PHACTR4: variants seen among roughly 807,000 people sequenced by gnomAD.
PHACTR4 encodes the protein protein phosphatase 1, regulatory subunit 124.
In PHACTR4, 51 loss-of-function variants were observed where a neutral mutation model predicts 72.7. The ratio of observed to expected loss-of-function variants is 0.70; its 90% confidence interval spans 0.56 to 0.89. The LOEUF is 0.89. Among genes scored for constraint, PHACTR4 ranks in the 40% least tolerant of loss-of-function variants. The probability of loss-of-function intolerance (pLI) is 0.00; values close to 1 mark genes in which losing one functional copy is unlikely to be tolerated. For synonymous variants in PHACTR4, 255 were observed against 302.5 expected, an observed-to-expected ratio of 0.84 and a Z score of 1.63; for missense variants, 731 against 861.8, an observed-to-expected ratio of 0.85 and a Z score of 1.90.
chr1:28,466,333 C>A (rs1659164532), intron 5 of PHACTR4, 49 bp from the exon 6 acceptor site: 2 of 1,540,886 alleles, frequency 1.3e-6, no homozygotes, highest in Non-Finnish European at 1.8e-6. Flanking sequence ...TTTTCAGTTT[C>A]TCTTGTTACT....
At chr1:28,431,214 T>TATAA (rs1325108256) in intron 2 of PHACTR4, among the ~76,000 whole-genome samples, 4 of 125,502 alleles carry the variant, frequency 3.2e-5, no homozygotes, top group Non-Finnish European at 6.8e-5. Flanking sequence ...TATATATATA[T>TATAA]AAACATGGGG....
intron 2 of PHACTR4, among the ~76,000 whole-genome samples, chr1:28,448,870 G>A (rs368250906): frequency 2.7e-5 from 4 of 148,458 alleles, no homozygotes; most frequent in Non-Finnish European, 5.9e-5. Flanking sequence ...AGCGGGGGGC[G>A]GGGGTGGGGG....
At position 28,499,504 on chromosome 1, in the gene PHACTR4, GGGTCTCACTCTGTTAC is replaced by G. The variant is rs1557859283; in HGVS notation, c.*2956_*2971del. The G allele has an allele frequency of 2.8e-5, 4 of 143,720 alleles. No individual in the cohort carries two copies. Among genetic ancestry groups the G allele is most frequent in the African/African-American group, 1.1e-4 (4 of 37,080 alleles). The allele number at this position is 143,720 out of a possible 1,614,324, so 8.9% of individuals were successfully genotyped here. ...TTGTTTTGTTTTGTTTTTGGAGATA[GGGTCTCACTCTGTTAC>G]CCATGCTGGAGTGCAGTGGCACAAT... On this transcript the variant is annotated 3_prime_UTR_variant, in exon 14 of 14. Transcript: ENST00000373839.
At chr1:28,465,598 G>A in intron 4 of PHACTR4, 87 bp from the exon 5 acceptor site, 1 of 1,355,892 alleles carries the variant, frequency 7.4e-7, no homozygotes, top group Non-Finnish European at 1.0e-6. Flanking sequence ...TTAAAAAAGA[G>A]AGAGAAAGAA....
chr1:28,400,760 A>AG (rs1382358491), intron 1 of PHACTR4, among the ~76,000 whole-genome samples: 1 of 152,058 alleles, frequency 6.6e-6, no homozygotes, highest in African/African-American at 2.4e-5. Flanking sequence ...TTGTAGTTTT[A>AG]GTAGAGACGG....
chr1:28,407,004 T>C (rs1272322848), intron 1 of PHACTR4, among the ~76,000 whole-genome samples: 1 of 152,144 alleles, frequency 6.6e-6, no homozygotes, highest in African/African-American at 2.4e-5. Flanking sequence ...CTCTAGTAAA[T>C]TCAAAATGAG....
Position 28,497,491 on chromosome 1 carries a change from C to G in PHACTR4, c.*942C>G, listed in dbSNP as rs918326889. ...TTGCAGTGAGCCAAGATCATGCCTA[C>G]TGCACTCCAGCCTGGGCAACAAAGT... On this transcript the variant is annotated 3_prime_UTR_variant, in exon 14 of 14. Transcript: ENST00000373839. 3.5e-5 allele frequency: 5 copies of G among 144,508 alleles called. No homozygotes were observed. The highest frequency in any genetic ancestry group is 1.3e-4 in the African/African-American group (5 of 38,372). The allele number at this position is 144,508 out of a possible 1,614,324, so 9.0% of individuals were successfully genotyped here.
intron 2 of PHACTR4, among the ~76,000 whole-genome samples, chr1:28,433,846 A>G (rs558712076): frequency 6.0e-5 from 9 of 150,910 alleles, no homozygotes; most frequent in Non-Finnish European, 1.2e-4. Flanking sequence ...CAATGGTGCA[A>G]TCTTGGTCAC....
intron 2 of PHACTR4, among the ~76,000 whole-genome samples, chr1:28,447,222 G>A (rs1657546354): frequency 6.6e-6 from 1 of 151,856 alleles, no homozygotes; most frequent in South Asian, 2.1e-4. Flanking sequence ...GTATTGGCCA[G>A]GCTGGTCTTG....
intron 1 of PHACTR4, among the ~76,000 whole-genome samples, chr1:28,394,061 A>G (rs1653277886): frequency 1.3e-5 from 2 of 152,038 alleles, no homozygotes; most frequent in African/African-American, 2.4e-5. Context: ...CAGGTCCTTC[A>G]GGAAGTATTC....
intron 1 of PHACTR4, among the ~76,000 whole-genome samples, chr1:28,403,728 A>G (rs1654108047): frequency 6.6e-6 from 1 of 151,832 alleles, no homozygotes. Context: ...CTTAGCTGTC[A>G]CTCTGTAATC....
intron 2 of PHACTR4, among the ~76,000 whole-genome samples, chr1:28,443,705 T>C (rs1158629356): frequency 6.6e-6 from 1 of 152,186 alleles, no homozygotes; most frequent in Non-Finnish European, 1.5e-5. Context: ...TCTTCCTGCC[T>C]CAGCCTTCCA....
chr1:28,483,471 G>A (rs1660410184), intron 9 of PHACTR4, among the ~76,000 whole-genome samples: 1 of 151,622 alleles, frequency 6.6e-6, no homozygotes, highest in African/African-American at 2.4e-5. Flanking sequence ...AGAAAGACAT[G>A]TTTATTATAT....
Position 28,460,132 on chromosome 1 carries a change from C to T in PHACTR4, c.191-80C>T, listed in dbSNP as rs190184482. 60 of 860,326 alleles carry T rather than the reference C, an allele frequency of 7.0e-5. 1 individual carries two copies. The highest frequency in any genetic ancestry group is 1.0e-4 in the Non-Finnish European group (54 of 538,332). 53.3% of individuals were successfully genotyped at this position (860,326 alleles called of 1,614,324 possible). On this transcript the variant is annotated intron_variant, in intron 3 of 13. Coordinates refer to ENST00000373839, the MANE Select transcript of PHACTR4 (RefSeq NM_001048183.3). ...AAACTTAAACTACTTTATTCTTTTACCTGTAGAATTAGAATGCTAAGTGTA... is the reference window on the plus strand; with the variant it reads ...AAACTTAAACTACTTTATTCTTTTATCTGTAGAATTAGAATGCTAAGTGTA...
intron 1 of PHACTR4, among the ~76,000 whole-genome samples, chr1:28,382,501 C>T (rs1289933515): frequency 2.0e-5 from 3 of 151,640 alleles, no homozygotes; most frequent in African/African-American, 7.3e-5. Context: ...GACAAGGTTT[C>T]ACCGTGCTAG....
intron 1 of PHACTR4, among the ~76,000 whole-genome samples, chr1:28,382,914 C>G (rs1557776320): frequency 6.6e-6 from 1 of 152,114 alleles, no homozygotes; most frequent in Non-Finnish European, 1.5e-5. Flanking sequence ...CTGACTCAGC[C>G]TACTGAGTAG....
At chr1:28,428,219 C>T (rs1443770057) in intron 2 of PHACTR4, among the ~76,000 whole-genome samples, 3 of 152,246 alleles carry the variant, frequency 2.0e-5, no homozygotes, top group African/African-American at 7.2e-5. Context: ...AACATATGAA[C>T]CTTTTGCTCA....
intron 2 of PHACTR4, among the ~76,000 whole-genome samples, chr1:28,456,838 G>C (rs1472044093): frequency 6.6e-6 from 1 of 151,218 alleles, no homozygotes; most frequent in African/African-American, 2.4e-5. Context: ...AGTGAGCTGT[G>C]ATTGTGCCAC....
chr1:28,470,670 GAC>G lies in PHACTR4; in HGVS notation c.824-2880_824-2879del, dbSNP rs553464565. ...CGTGACTGCGCCACTGCACTCCAGT[GAC>G]ACAGTGTGAGACCCTGTCTAAAATA... is the stretch of plus-strand genomic sequence containing the variant. On this transcript the variant is annotated intron_variant, in intron 6 of 13. Coordinates refer to ENST00000373839, the MANE Select transcript of PHACTR4 (RefSeq NM_001048183.3). Among the ~76,000 whole-genome samples the G allele has an allele frequency of 1.4e-4, 21 of 151,592 alleles. No individual in the cohort carries two copies. The South Asian group carries it at 3.3e-3, about 24-fold the overall frequency.
Sources: gnomAD v4.1 joint callset for allele counts (sites outside exome capture counted in the v4.1 genomes callset) on GRCh38, gnomAD v4.1.1 for gene constraint, MANE v1.5 for transcripts, NCBI Gene and HGNC (gene_info 2026-07-23, HGNC 2026-07-21) for gene names.